Variants in CNTNAP5 observed in about 807,000 individuals in gnomAD.
CNTNAP5 encodes contactin associated protein family member 5, also known as contactin-associated protein-like 5.
A neutral mutation model predicts 150.2 loss-of-function variants in CNTNAP5; 72 were observed. That is an observed-to-expected ratio of 0.48 (90% CI 0.40 to 0.58). The LOEUF is 0.58. Among genes scored for constraint, CNTNAP5 ranks in the 20% least tolerant of loss-of-function variants. The probability of loss-of-function intolerance (pLI) is 0.00; values close to 1 mark genes in which losing one functional copy is unlikely to be tolerated. For missense variants in CNTNAP5, 1,636 were observed against 1,626.2 expected, an observed-to-expected ratio of 1.01 and a Z score of -0.10; for synonymous variants, 672 against 619.8, an observed-to-expected ratio of 1.08 and a Z score of -1.25.
chr2:124,779,660 T>C (rs920296122), intron 17 of CNTNAP5, among the ~76,000 whole-genome samples: 2 of 152,224 alleles, frequency 1.3e-5, no homozygotes, highest in African/African-American at 4.8e-5. Flanking sequence ...AAGCACTGTT[T>C]CATGCTAATA....
intron 22 of CNTNAP5, among the ~76,000 whole-genome samples, chr2:124,909,568 A>G (rs1678610638): frequency 6.6e-6 from 1 of 151,968 alleles, no homozygotes; most frequent in African/African-American, 2.4e-5. Context: ...AATAACAAGC[A>G]CAGTGGACAG....
chr2:124,707,945 T>TTAA (rs1553433806), intron 13 of CNTNAP5, among the ~76,000 whole-genome samples: 1 of 152,034 alleles, frequency 6.6e-6, no homozygotes, highest in East Asian at 1.9e-4. Context: ...ATAAAACTTT[T>TTAA]AAAAAAAATC....
At chr2:124,725,450 TC>T (rs1242424189) in intron 13 of CNTNAP5, among the ~76,000 whole-genome samples, 5 of 144,038 alleles carry the variant, frequency 3.5e-5, no homozygotes, top group East Asian at 2.3e-4. Context: ...CCCTTCCCCT[TC>T]CCCTTCCTCT....
At chr2:124,783,597 A>G (rs986860178) in intron 17 of CNTNAP5, among the ~76,000 whole-genome samples, 3 of 152,172 alleles carry the variant, frequency 2.0e-5, no homozygotes, top group Admixed American at 1.3e-4. Flanking sequence ...TACCAAACAA[A>G]TAAGGAAATT....
chr2:124,748,221 T>C (rs1257196617), intron 14 of CNTNAP5, among the ~76,000 whole-genome samples: 1 of 152,168 alleles, frequency 6.6e-6, no homozygotes, highest in Non-Finnish European at 1.5e-5. Flanking sequence ...TTTTGCTTCT[T>C]AATGTTGAGT....
intron 13 of CNTNAP5, among the ~76,000 whole-genome samples, chr2:124,649,298 G>A (rs1404569585): frequency 6.6e-6 from 1 of 152,086 alleles, no homozygotes; most frequent in Non-Finnish European, 1.5e-5. Flanking sequence ...CTCAGAGGGT[G>A]CTGCCCTGCC....
At chr2:124,214,019 C>T (rs1686089425) in intron 1 of CNTNAP5, among the ~76,000 whole-genome samples, 1 of 152,132 alleles carries the variant, frequency 6.6e-6, no homozygotes, top group Admixed American at 6.5e-5. Context: ...TGCAGAGTCA[C>T]TTTGACCTTG....
chr2:124,467,941 G>T (rs1287265320), intron 6 of CNTNAP5, among the ~76,000 whole-genome samples: 1 of 152,052 alleles, frequency 6.6e-6, no homozygotes. Context: ...ACATTATTGG[G>T]TATATATTGG....
At chr2:124,466,584 A>G (rs1227269370) in intron 6 of CNTNAP5, among the ~76,000 whole-genome samples, 1 of 152,224 alleles carries the variant, frequency 6.6e-6, no homozygotes, top group East Asian at 1.9e-4. Flanking sequence ...AACAATTGGA[A>G]TTAACTTTAT....
At chr2:124,068,253 G>C (rs1682214034) in intron 1 of CNTNAP5, among the ~76,000 whole-genome samples, 1 of 152,152 alleles carries the variant, frequency 6.6e-6, no homozygotes, top group Non-Finnish European at 1.5e-5. Flanking sequence ...CAGTGGCTGT[G>C]TGGCACCAAG....
At chr2:124,053,129 G>A (rs1297709532) in intron 1 of CNTNAP5, among the ~76,000 whole-genome samples, 2 of 151,608 alleles carry the variant, frequency 1.3e-5, no homozygotes, top group Non-Finnish European at 1.5e-5. Flanking sequence ...CCCAATAAAT[G>A]TTTGAGAACT....
chr2:124,108,172 T>A (rs950503169), intron 1 of CNTNAP5, among the ~76,000 whole-genome samples: 1 of 152,174 alleles, frequency 6.6e-6, no homozygotes, highest in Non-Finnish European at 1.5e-5. Context: ...ACAAAAGTAT[T>A]TTAGGGTAAA....
At chr2:124,533,129 A>C (rs1695147944) in intron 10 of CNTNAP5, among the ~76,000 whole-genome samples, 1 of 151,854 alleles carries the variant, frequency 6.6e-6, no homozygotes, top group Non-Finnish European at 1.5e-5. Flanking sequence ...GAAAGCACTC[A>C]TAAATTTAGG....
chr2:124,887,450 G>A (rs910075325), intron 21 of CNTNAP5, among the ~76,000 whole-genome samples: 2 of 152,018 alleles, frequency 1.3e-5, no homozygotes, highest in Admixed American at 6.6e-5. Context: ...CAAGACTGCG[G>A]GATTCCCAGG....
At chr2:124,398,124 G>A (rs1285225561) in intron 3 of CNTNAP5, among the ~76,000 whole-genome samples, 1 of 152,186 alleles carries the variant, frequency 6.6e-6, no homozygotes, top group Non-Finnish European at 1.5e-5. Flanking sequence ...TCTACCTTCT[G>A]TATACTATAG....
chr2:124,715,577 T>C (rs114405233), intron 13 of CNTNAP5, among the ~76,000 whole-genome samples: 2,431 of 152,288 alleles, frequency 0.016, 76 homozygotes, highest in African/African-American at 0.055. Context: ...GTTTGTTACA[T>C]ATGTATACAT....
At chr2:124,724,457 T>A (rs1026098921) in intron 13 of CNTNAP5, among the ~76,000 whole-genome samples, 2 of 152,074 alleles carry the variant, frequency 1.3e-5, no homozygotes, top group Non-Finnish European at 2.9e-5. Context: ...GGCGCACAAG[T>A]CAGCCCATAG....
chr2:124,827,575 G>A (rs1396175161), intron 19 of CNTNAP5, among the ~76,000 whole-genome samples: 1 of 152,178 alleles, frequency 6.6e-6, no homozygotes, highest in Non-Finnish European at 1.5e-5. Flanking sequence ...CCTCCATCTT[G>A]AACCCTGGTG....
At chr2:124,500,038 T>C (rs1309796280) in intron 7 of CNTNAP5, among the ~76,000 whole-genome samples, 1 of 151,680 alleles carries the variant, frequency 6.6e-6, no homozygotes, top group Non-Finnish European at 1.5e-5. Flanking sequence ...AATTTCTTGA[T>C]GGAGCCAAGA....
Sources: gnomAD v4.1 joint callset for allele counts (sites outside exome capture counted in the v4.1 genomes callset) on GRCh38, gnomAD v4.1.1 for gene constraint, MANE v1.5 for transcripts, NCBI Gene and HGNC (gene_info 2026-07-23, HGNC 2026-07-21) for gene names.